PPP1R12A: variants seen among roughly 807,000 people sequenced by gnomAD.
PPP1R12A encodes the protein protein phosphatase 1 regulatory subunit 12A.
In PPP1R12A, 19 loss-of-function variants were observed where a neutral mutation model predicts 139.6. The ratio of observed to expected loss-of-function variants is 0.14; its 90% CI spans 0.09 to 0.20. PPP1R12A has a LOEUF of 0.20. PPP1R12A is among the 10% of genes least tolerant of loss of function. The probability of loss-of-function intolerance (pLI) is 1.00; values close to 1 mark genes in which losing one functional copy is unlikely to be tolerated. For missense variants in PPP1R12A, 925 were observed against 1,211.5 expected (o/e 0.76, Z 3.51); for synonymous variants, 427 against 420.6 (o/e 1.02, Z -0.19).
intron 1 of PPP1R12A, among the ~76,000 whole-genome samples, chr12:79,914,299 A>C (rs1485840880): frequency 1.3e-5 from 2 of 152,056 alleles, no homozygotes; most frequent in South Asian, 2.1e-4. Flanking sequence ...TAATACCAAG[A>C]TATCCCTTTG....
At chr12:79,915,852 G>T (rs369693783) in intron 1 of PPP1R12A, among the ~76,000 whole-genome samples, 3 of 152,002 alleles carry the variant, frequency 2.0e-5, no homozygotes, top group African/African-American at 7.3e-5. Context: ...AGCTATTAGT[G>T]AGCCTAATCC....
intron 3 of PPP1R12A, among the ~76,000 whole-genome samples, chr12:79,842,575 T>TTGTGTGTGTGTGTGTGTGTGTGTG (rs148792533): frequency 1.4e-5 from 2 of 143,836 alleles, no homozygotes; most frequent in African/African-American, 5.0e-5. Context: ...ATGTGGCACT[T>TTGTGTGTGTGTGTGTGTGTGTGTG]TGTGTGTGTG....
chr12:79,833,846 G>GAAAAAAAAAA (rs371589074), intron 3 of PPP1R12A, among the ~76,000 whole-genome samples: 1 of 116,766 alleles, frequency 8.6e-6, no homozygotes. Context: ...CAAAGAAAAG[G>GAAAAAAAAAA]AAAAAAAAAA....
intron 5 of PPP1R12A, among the ~76,000 whole-genome samples, chr12:79,826,279 TG>T (rs1290599191): frequency 6.6e-6 from 1 of 151,528 alleles, no homozygotes; most frequent in African/African-American, 2.4e-5. Flanking sequence ...AGGTAATATG[TG>T]TAAAAAAGGC....
intron 1 of PPP1R12A, among the ~76,000 whole-genome samples, chr12:79,900,830 T>C (rs1408474450): frequency 6.6e-6 from 1 of 152,152 alleles, no homozygotes; most frequent in Non-Finnish European, 1.5e-5. Context: ...AAAATCTCAG[T>C]TTAACTATTC....
chr12:79,845,423 G>T lies in PPP1R12A; in HGVS notation c.369-3C>A. 1 of 1,587,200 alleles carries T rather than the reference G, an allele frequency of 6.3e-7. No individual in the cohort carries two copies. On this transcript the variant is annotated splice_region_variant and splice_polypyrimidine_tract_variant and intron_variant, in intron 2 of 24. Coordinates refer to ENST00000450142, the MANE Select transcript of PPP1R12A (RefSeq NM_002480.3). Reference sequence around the variant, plus strand: ...GTGCTCCTTGACCAATCAAAAACCTGTAAAACCAAAGGAAAAATAGTTAAG... The same window carrying T: ...GTGCTCCTTGACCAATCAAAAACCTTTAAAACCAAAGGAAAAATAGTTAAG...
intron 1 of PPP1R12A, among the ~76,000 whole-genome samples, chr12:79,873,318 T>G (rs1882759329): frequency 6.6e-6 from 1 of 152,070 alleles, no homozygotes; most frequent in Admixed American, 6.6e-5. Flanking sequence ...AGGGCAAAAC[T>G]GTTTTCAAGA....
At position 79,793,884 on chromosome 12, in the gene PPP1R12A, TC is replaced by T; in HGVS notation, c.2627del (p.Gly876AspfsTer39). On this transcript the variant is annotated frameshift_variant, in exon 19 of 25. Coordinates refer to ENST00000450142, the MANE Select transcript of PPP1R12A (RefSeq NM_002480.3). LOFTEE classifies it high-confidence loss of function. ...TTACCTGAGTTTCTTTCTTATTGGA[TC>T]CCTCTTCTGTGTCTGATTGTTGTTC... ...EQEQQSDTEEGSNKKETQTDS... is the reference protein window; with the variant it reads ...EQEQQSDTEEXSNKKETQTDS... 2 of 1,594,936 alleles carry T rather than the reference TC, an allele frequency of 1.3e-6. No homozygotes were observed. The highest frequency in any genetic ancestry group is 1.1e-5 in the South Asian group (1 of 88,346).
rs543758807 is a variant in PPP1R12A, at chr12:79,908,666, T to C, written c.237+26029A>G. On this transcript the variant is annotated intron_variant, in intron 1 of 24. Coordinates refer to ENST00000450142, the MANE Select transcript of PPP1R12A (RefSeq NM_002480.3). ...GGCTTTTACACAATGTCTTCTGATA[T>C]AGGAACATTTTAAAGAAGTTAATGG... Among the ~76,000 whole-genome samples the C allele has an allele frequency of 6.6e-5, 10 of 152,342 alleles. No homozygotes were observed. In the South Asian group the frequency reaches 1.4e-3, roughly 22 times the overall value.
chr12:79,928,166 C>T (rs1438997797), intron 1 of PPP1R12A, among the ~76,000 whole-genome samples: 1 of 152,186 alleles, frequency 6.6e-6, no homozygotes, highest in Non-Finnish European at 1.5e-5. Flanking sequence ...AAAAACACTT[C>T]CTCTATTCCA....
intron 2 of PPP1R12A, among the ~76,000 whole-genome samples, chr12:79,859,989 T>C (rs1881136819): frequency 6.6e-6 from 1 of 152,174 alleles, no homozygotes; most frequent in South Asian, 2.1e-4. Flanking sequence ...ATAAAATCAC[T>C]CTAAACAAGA....
chr12:79,932,607 C>T (rs1888334903), intron 1 of PPP1R12A, among the ~76,000 whole-genome samples: 1 of 152,116 alleles, frequency 6.6e-6, no homozygotes, highest in Admixed American at 6.5e-5. Context: ...TTAGAAACTT[C>T]TGTTTGTCAA....
Position 79,820,846 on chromosome 12 carries a change from C to T in PPP1R12A, c.1042G>A (p.Gly348Arg). The change falls in exon 8 of 25, where the codon GGA becomes AGA. Residue 348 changes from glycine (G) to arginine (R), a missense_variant. Gly to Arg is a moderately radical substitution (Grantham distance 125). This residue lies in a region of PPP1R12A where 403 missense variants were observed against 463.7 expected (regional missense o/e 0.87). Coordinates refer to ENST00000450142, the MANE Select transcript of PPP1R12A (RefSeq NM_002480.3). ...GAGCAGCTAGACTCATCCTTCTTTC[C>T]TTCTTCTTCTTCATCAACCTTTTCT... ...EQEKVDEEEE[G>R]KKDESSCSSE... 1 of 1,613,224 alleles carries T rather than the reference C, an allele frequency of 6.2e-7. No homozygotes were observed. Among genetic ancestry groups the T allele is most frequent in the East Asian group, 2.2e-5 (1 of 44,828 alleles).
intron 1 of PPP1R12A, among the ~76,000 whole-genome samples, chr12:79,910,365 A>G (rs1273316688): frequency 8.5e-5 from 13 of 152,216 alleles, no homozygotes; most frequent in African/African-American, 2.4e-5. Context: ...TTGTAATCCC[A>G]GCTACTCGGG....
At chr12:79,850,989 G>C (rs1879978032) in intron 2 of PPP1R12A, among the ~76,000 whole-genome samples, 1 of 152,130 alleles carries the variant, frequency 6.6e-6, no homozygotes, top group South Asian at 2.1e-4. Flanking sequence ...AAATTACCCT[G>C]TCTCAGGTAG....
chr12:79,783,319 A>G (rs1870706677), intron 22 of PPP1R12A, among the ~76,000 whole-genome samples: 1 of 150,172 alleles, frequency 6.7e-6, no homozygotes, highest in Non-Finnish European at 1.5e-5. Context: ...AAAAAGGAAA[A>G]TTAAACAGGT....
intron 1 of PPP1R12A, among the ~76,000 whole-genome samples, chr12:79,918,682 ATC>A (rs1227808915): frequency 6.6e-6 from 1 of 152,138 alleles, no homozygotes; most frequent in Non-Finnish European, 1.5e-5. Flanking sequence ...TCTCATAGTC[ATC>A]TCTCTCAGAC....
At chr12:79,907,203 A>G (rs1017156621) in intron 1 of PPP1R12A, among the ~76,000 whole-genome samples, 1 of 152,178 alleles carries the variant, frequency 6.6e-6, no homozygotes, top group Non-Finnish European at 1.5e-5. Flanking sequence ...ATGTCTTTTG[A>G]TATATTTTCC....
intron 4 of PPP1R12A, among the ~76,000 whole-genome samples, 180 bp from the exon 5 acceptor site, chr12:79,828,644 GAA>G (rs1298600927): frequency 6.6e-6 from 1 of 151,952 alleles, no homozygotes; most frequent in East Asian, 1.9e-4. Flanking sequence ...AAAAAACTCA[GAA>G]AAAGAGGATC....
Sources: allele counts gnomAD v4.1 joint callset (sites outside exome capture counted in the v4.1 genomes callset), GRCh38; gene constraint gnomAD v4.1.1; regional missense constraint gnomAD v4.1.1; transcripts MANE v1.5; gene names NCBI Gene and HGNC (gene_info 2026-07-23, HGNC 2026-07-21).